CNTNAP2: variants seen among roughly 807,000 people sequenced by gnomAD.
CNTNAP2 encodes contactin associated protein 2.
CNTNAP2 carries 98 observed loss-of-function variants against 155.2 expected under a neutral mutation model. That is an observed-to-expected ratio of 0.63 (90% CI 0.54 to 0.75). CNTNAP2 has a LOEUF of 0.75. CNTNAP2 is among the 30% of genes least tolerant of loss of function. The pLI is 0.00. For missense variants in CNTNAP2, 1,727 were observed against 1,688.1 expected, an observed-to-expected ratio of 1.02 and a Z score of -0.40; for synonymous variants, 651 against 631.2, an observed-to-expected ratio of 1.03 and a Z score of -0.47.
chr7:146,284,784 C>T (rs1227683924), intron 1 of CNTNAP2, among the ~76,000 whole-genome samples: 1 of 152,196 alleles, frequency 6.6e-6, no homozygotes, highest in African/African-American at 2.4e-5. Context: ...CTCAGTTTAT[C>T]ACTGAACAGG....
chr7:147,832,122 C>A (rs1425972130), intron 13 of CNTNAP2, among the ~76,000 whole-genome samples: 2 of 146,854 alleles, frequency 1.4e-5, no homozygotes, highest in Non-Finnish European at 3.0e-5. Context: ...TATAATCATA[C>A]AATTATATTT....
Position 148,206,268 on chromosome 7 carries a change from TATA to T in CNTNAP2, c.3011-11017_3011-11015del, listed in dbSNP as rs991641319. 3.0e-4 allele frequency among the ~76,000 whole-genome samples: 44 copies of T among 147,764 alleles called. 1 individual carries two copies. Among genetic ancestry groups the T allele is most frequent in the Admixed American group, 2.5e-3 (37 of 14,726 alleles). On this transcript the variant is annotated intron_variant, in intron 18 of 23. Coordinates refer to ENST00000361727, the MANE Select transcript of CNTNAP2 (RefSeq NM_014141.6). ...TAAAAATTATTTTAATTATATATAATATAATGTTAAATATAAATATATTTAAAT... is the reference window on the plus strand; with the variant it reads ...TAAAAATTATTTTAATTATATATAATATGTTAAATATAAATATATTTAAAT...
chr7:146,513,144 A>G (rs925866439), intron 1 of CNTNAP2, among the ~76,000 whole-genome samples: 4 of 151,898 alleles, frequency 2.6e-5, no homozygotes, highest in African/African-American at 7.2e-5. Flanking sequence ...TTTACTTGGA[A>G]ACTTTTGCCA....
intron 13 of CNTNAP2, among the ~76,000 whole-genome samples, chr7:147,724,878 A>G (rs1219585418): frequency 6.6e-6 from 1 of 151,936 alleles, no homozygotes; most frequent in Non-Finnish European, 1.5e-5. Flanking sequence ...TAAATGTCAG[A>G]AGCAAATATA....
chr7:146,141,676 A>T, intron 1 of CNTNAP2, among the ~76,000 whole-genome samples: 1 of 152,164 alleles, frequency 6.6e-6, no homozygotes, highest in East Asian at 1.9e-4. Flanking sequence ...AAGCATTAAA[A>T]ATAATGTTAT....
chr7:147,965,006 TA>T (rs1161150573), intron 14 of CNTNAP2, among the ~76,000 whole-genome samples: 1 of 152,158 alleles, frequency 6.6e-6, no homozygotes, highest in Non-Finnish European at 1.5e-5. Context: ...TTTCCAAAGG[TA>T]CAAGCCCAAG....
chr7:147,854,401 A>G (rs1045728851), intron 13 of CNTNAP2, among the ~76,000 whole-genome samples: 1 of 152,178 alleles, frequency 6.6e-6, no homozygotes, highest in Non-Finnish European at 1.5e-5. Flanking sequence ...AAAGAGATGG[A>G]AGCAAGTGTC....
At chr7:147,027,018 C>CAAAAA (rs1297907328) in intron 3 of CNTNAP2, among the ~76,000 whole-genome samples, 1 of 101,438 alleles carries the variant, frequency 9.9e-6, no homozygotes, top group African/African-American at 4.8e-5. Flanking sequence ...AAAAAAAAAA[C>CAAAAA]AAAAAAAAGA....
At chr7:147,394,274 C>T (rs183463054) in intron 9 of CNTNAP2, among the ~76,000 whole-genome samples, 65 of 152,058 alleles carry the variant, frequency 4.3e-4, no homozygotes, top group Non-Finnish European at 8.7e-4. Context: ...CCCAGATATT[C>T]TCAACTGTGA....
At chr7:147,561,749 C>T (rs991057366) in intron 11 of CNTNAP2, among the ~76,000 whole-genome samples, 2 of 152,064 alleles carry the variant, frequency 1.3e-5, no homozygotes, top group Admixed American at 6.6e-5. Flanking sequence ...GGTAATTTTT[C>T]CTGGCCTCTT....
intron 1 of CNTNAP2, 37 bp from the exon 2 acceptor site, chr7:146,774,234 T>C: frequency 6.8e-7 from 1 of 1,463,446 alleles, no homozygotes; most frequent in South Asian, 1.1e-5. Flanking sequence ...GAAATCGTTG[T>C]TGAGTGTCTC....
intron 15 of CNTNAP2, among the ~76,000 whole-genome samples, chr7:148,016,990 A>G (rs1802190224): frequency 6.6e-6 from 1 of 152,204 alleles, no homozygotes; most frequent in South Asian, 2.1e-4. Context: ...GAAGAGAAAT[A>G]TTCAGGAAGG....
intron 8 of CNTNAP2, among the ~76,000 whole-genome samples, chr7:147,222,811 GTTT>G (rs35654327): frequency 7.1e-4 from 58 of 81,896 alleles, no homozygotes; most frequent in African/African-American, 2.4e-3. Context: ...GTTTCTCAGG[GTTT>G]TTTTTTTTTT....
rs537456303 is a variant in CNTNAP2, at chr7:147,539,658, C to T, written c.1778-22480C>T. Among the ~76,000 whole-genome samples, 3 of 152,242 alleles carry T rather than the reference C, an allele frequency of 2.0e-5. No homozygotes were observed. In the South Asian group the frequency reaches 6.2e-4, roughly 32 times the overall value. Reference sequence around the variant, plus strand: ...TGCCAATGTAGTGACACTATCAACTCCCAGGTGTAATCAAGTAGAGACTGA... The same window carrying T: ...TGCCAATGTAGTGACACTATCAACTTCCAGGTGTAATCAAGTAGAGACTGA... On this transcript the variant is annotated intron_variant, in intron 11 of 23. Coordinates refer to ENST00000361727, the MANE Select transcript of CNTNAP2 (RefSeq NM_014141.6).
chr7:146,133,890 G>A (rs1467522804), intron 1 of CNTNAP2, among the ~76,000 whole-genome samples: 2 of 151,816 alleles, frequency 1.3e-5, no homozygotes, highest in Non-Finnish European at 2.9e-5. Context: ...TTGACTTGGC[G>A]ATGCGGGCTC....
chr7:146,180,341 T>C (rs1266003875), intron 1 of CNTNAP2, among the ~76,000 whole-genome samples: 1 of 151,970 alleles, frequency 6.6e-6, no homozygotes, highest in African/African-American at 2.4e-5. Flanking sequence ...TTTTCTTTCT[T>C]CCTTTCTTTA....
At chr7:147,398,872 AAAT>A (rs2116461726) in intron 10 of CNTNAP2, among the ~76,000 whole-genome samples, 1 of 151,626 alleles carries the variant, frequency 6.6e-6, no homozygotes, top group East Asian at 1.9e-4. Context: ...ATTAAAAAGT[AAAT>A]AATCTAGCAA....
chr7:146,765,912 T>A (rs1802186612), intron 1 of CNTNAP2, among the ~76,000 whole-genome samples: 1 of 152,084 alleles, frequency 6.6e-6, no homozygotes, highest in Non-Finnish European at 1.5e-5. Flanking sequence ...AAGGGTGTGC[T>A]TGGTGTGTAT....
intron 13 of CNTNAP2, among the ~76,000 whole-genome samples, chr7:147,902,688 T>G (rs979651007): frequency 2.6e-5 from 4 of 152,148 alleles, no homozygotes; most frequent in Admixed American, 2.6e-4. Flanking sequence ...TTACTTCACT[T>G]AGAATAATAG....
Sources: gnomAD v4.1 joint callset for allele counts (sites outside exome capture counted in the v4.1 genomes callset) on GRCh38, gnomAD v4.1.1 for gene constraint, MANE v1.5 for transcripts, NCBI Gene and HGNC (gene_info 2026-07-23, HGNC 2026-07-21) for gene names.